SPRED2: variants seen among roughly 807,000 people sequenced by gnomAD.
SPRED2 encodes the protein sprouty-related, EVH1 domain-containing protein 2.
In SPRED2, 47 loss-of-function variants were observed where a neutral mutation model predicts 43.0. The observed-to-expected ratio is 1.09, with a 90% CI of 0.87 to 1.40. SPRED2 has a LOEUF of 1.40. Ranked by LOEUF, SPRED2 falls within the 40% of genes most tolerant of loss-of-function variation. The probability of loss-of-function intolerance (pLI) is 0.00; values close to 1 mark genes in which losing one functional copy is unlikely to be tolerated. For synonymous variants in SPRED2, 225 were observed against 225.7 expected (o/e 1.00, Z 0.03); for missense variants, 561 against 586.4 (o/e 0.96, Z 0.45).
chr2:65,360,718 T>C (rs956438492), intron 1 of SPRED2, among the ~76,000 whole-genome samples: 1 of 152,118 alleles, frequency 6.6e-6, no homozygotes, highest in Non-Finnish European at 1.5e-5. Flanking sequence ...AGTTTCAGTT[T>C]TGGATGATGA....
chr2:65,314,249 T>C lies in SPRED2; in HGVS notation c.589-80A>G, dbSNP rs981914642. The C allele has an allele frequency of 5.2e-6, 7 of 1,342,370 alleles. No individual in the cohort carries two copies. In the African/African-American group the frequency reaches 8.8e-5, roughly 17 times the overall value. 83.2% of individuals were successfully genotyped at this position (1,342,370 alleles called of 1,614,324 possible). The stretch of plus-strand genomic sequence containing the variant: ...ACAAAAAAACACCCCACCTTCTCCC[T>C]CCCTAGCCGTCCAAAATGCACCTTT... On this transcript the variant is annotated intron_variant, in intron 5 of 5. Transcript: ENST00000356388.
At chr2:65,383,577 G>A (rs185563972) in intron 1 of SPRED2, among the ~76,000 whole-genome samples, 16 of 152,266 alleles carry the variant, frequency 1.1e-4, no homozygotes, top group South Asian at 8.3e-4. Flanking sequence ...ACCAAAGGCC[G>A]CTCCCCACCG....
At chr2:65,370,918 A>G (rs190541806) in intron 1 of SPRED2, among the ~76,000 whole-genome samples, 14 of 152,300 alleles carry the variant, frequency 9.2e-5, no homozygotes, top group Non-Finnish European at 2.1e-4. Flanking sequence ...GAAACCACAC[A>G]TGTCCCCAGA....
intron 3 of SPRED2, 49 bp from the exon 4 acceptor site, chr2:65,332,100 A>G: frequency 8.2e-7 from 1 of 1,218,288 alleles, no homozygotes; most frequent in Non-Finnish European, 1.2e-6. Flanking sequence ...AGGATACATC[A>G]AATCCAACCG....
chr2:65,327,707 T>TTCTG (rs1333069568), intron 4 of SPRED2, among the ~76,000 whole-genome samples: 1 of 143,274 alleles, frequency 7.0e-6, no homozygotes, highest in Non-Finnish European at 1.5e-5. Context: ...TTTCTTTTCT[T>TTCTG]TCTTTCTTTT....
chr2:65,416,226 T>C (rs979929638), intron 1 of SPRED2, among the ~76,000 whole-genome samples: 5 of 152,182 alleles, frequency 3.3e-5, no homozygotes, highest in South Asian at 2.1e-4. Flanking sequence ...ATGGGAGAGA[T>C]GAAGAGTGTT....
chr2:65,324,163 C>CA (rs1169006718), intron 4 of SPRED2, among the ~76,000 whole-genome samples: 2 of 151,392 alleles, frequency 1.3e-5, no homozygotes, highest in Non-Finnish European at 2.9e-5. Flanking sequence ...TCAACATCTC[C>CA]AAAAAAAGAG....
intron 1 of SPRED2, among the ~76,000 whole-genome samples, chr2:65,429,989 G>A (rs1676640920): frequency 6.6e-6 from 1 of 152,304 alleles, no homozygotes; most frequent in African/African-American, 2.4e-5. Context: ...CACAAAAAGA[G>A]CCAGGTCAGG....
chr2:65,360,079 C>G (rs796650774), intron 1 of SPRED2, among the ~76,000 whole-genome samples: 1 of 93,704 alleles, frequency 1.1e-5, no homozygotes, highest in Admixed American at 1.1e-4. Context: ...AAAAAAAAAA[C>G]AAAAAAAAAC....
intron 1 of SPRED2, among the ~76,000 whole-genome samples, chr2:65,422,104 A>T (rs1821833): frequency 0.012 from 1,578 of 128,990 alleles, 10 homozygotes; most frequent in Middle Eastern, 0.027. Flanking sequence ...ACACACACAC[A>T]CTCTCTCTCT....
chr2:65,316,624 G>C (rs951165006), intron 5 of SPRED2, 110 bp downstream of exon 5: 4 of 1,309,404 alleles, frequency 3.1e-6, no homozygotes, highest in Non-Finnish European at 3.2e-6. Flanking sequence ...AAAGGCAGGA[G>C]CAGGAGAGGC....
At chr2:65,385,651 C>T (rs1187786343) in intron 1 of SPRED2, among the ~76,000 whole-genome samples, 1 of 152,178 alleles carries the variant, frequency 6.6e-6, no homozygotes, top group African/African-American at 2.4e-5. Context: ...TCCCTACCCA[C>T]TGCCACCAAG....
chr2:65,325,364 C>G (rs192180046), intron 4 of SPRED2, among the ~76,000 whole-genome samples: 1 of 152,348 alleles, frequency 6.6e-6, no homozygotes, highest in African/African-American at 2.4e-5. Context: ...GCTTAAGGAG[C>G]TAGACCACAT....
At chr2:65,415,654 G>A (rs1257778548) in intron 1 of SPRED2, among the ~76,000 whole-genome samples, 1 of 151,868 alleles carries the variant, frequency 6.6e-6, no homozygotes, top group Non-Finnish European at 1.5e-5. Flanking sequence ...ACCTTTTAAA[G>A]TTTCAGCCGA....
Position 65,356,541 on chromosome 2 carries a change from T to G in SPRED2, c.27-11645A>C, listed in dbSNP as rs1186399403. On this transcript the variant is annotated intron_variant, in intron 1 of 5. Transcript: ENST00000356388. ...GTGCAGTTCCCCAGTTCCCTCTTTT[T>G]TTTTTTTTTTTTTTTTTGTGTGTGT... Among the ~76,000 whole-genome samples the G allele has an allele frequency of 1.6e-3, 211 of 135,236 alleles. 1 individual carries two copies. Among genetic ancestry groups the G allele is most frequent in the African/African-American group, 6.2e-3 (207 of 33,516 alleles). The allele number at this position is 135,236 out of a possible 152,430, so 88.7% of individuals were successfully genotyped here. A position where few individuals can be genotyped will look rare whatever the true frequency, so the allele number is the denominator to read the frequency against.
intron 1 of SPRED2, among the ~76,000 whole-genome samples, chr2:65,408,665 C>T (rs1442188284): frequency 6.6e-6 from 1 of 151,986 alleles, no homozygotes; most frequent in African/African-American, 2.4e-5. Context: ...TCTGCAACCT[C>T]TGCCTTCTGG....
At chr2:65,407,715 A>C (rs898258507) in intron 1 of SPRED2, among the ~76,000 whole-genome samples, 1 of 151,988 alleles carries the variant, frequency 6.6e-6, no homozygotes, top group Non-Finnish European at 1.5e-5. Context: ...CGCGGTATCC[A>C]CTCATGCCTC....
intron 1 of SPRED2, among the ~76,000 whole-genome samples, chr2:65,369,592 T>C (rs1675071508): frequency 6.6e-6 from 1 of 152,196 alleles, no homozygotes; most frequent in African/African-American, 2.4e-5. Flanking sequence ...TCGACTTGCA[T>C]GCTAATGATA....
intron 1 of SPRED2, among the ~76,000 whole-genome samples, chr2:65,408,612 C>T (rs1335279145): frequency 2.0e-5 from 3 of 149,562 alleles, no homozygotes; most frequent in Non-Finnish European, 3.0e-5. Flanking sequence ...TTTTTTGAGA[C>T]GGAGTCTCAC....
Sources: gnomAD v4.1 joint callset for allele counts (sites outside exome capture counted in the v4.1 genomes callset) on GRCh38, gnomAD v4.1.1 for gene constraint, MANE v1.5 for transcripts, NCBI Gene and HGNC (gene_info 2026-07-23, HGNC 2026-07-21) for gene names.